The following SPIRE1 variants were observed in gnomAD, a reference collection of about 807,000 sequenced individuals.
SPIRE1 encodes the protein spire type actin nucleation factor 1.
A neutral mutation model predicts 94.1 loss-of-function variants in SPIRE1; 40 were observed. The ratio of observed to expected loss-of-function variants is 0.43; its 90% CI spans 0.33 to 0.55. SPIRE1 has a LOEUF of 0.55. Ranked by LOEUF, SPIRE1 falls within the 20% of genes least tolerant of loss-of-function variation. The pLI is 0.06. For synonymous variants in SPIRE1, 376 were observed against 371.7 expected (o/e 1.01, Z -0.13); for missense variants, 838 against 975.2 (o/e 0.86, Z 1.87).
At chr18:12,512,781 T>C (rs1050475699) in intron 4 of SPIRE1, among the ~76,000 whole-genome samples, 7 of 151,294 alleles carry the variant, frequency 4.6e-5, no homozygotes, top group Admixed American at 2.6e-4. Flanking sequence ...TTTTCTTTTT[T>C]TTTTTTTTTT....
At chr18:12,589,096 A>C (rs1433091561) in intron 2 of SPIRE1, among the ~76,000 whole-genome samples, 1 of 152,224 alleles carries the variant, frequency 6.6e-6, no homozygotes, top group Non-Finnish European at 1.5e-5. Flanking sequence ...TTCTATGTGC[A>C]AGGTCCTATG....
At chr18:12,551,343 T>C (rs1431753430) in intron 2 of SPIRE1, among the ~76,000 whole-genome samples, 1 of 152,200 alleles carries the variant, frequency 6.6e-6, no homozygotes, top group African/African-American at 2.4e-5. Flanking sequence ...AGTTCCTTTT[T>C]GTATATATAA....
intron 8 of SPIRE1, among the ~76,000 whole-genome samples, chr18:12,490,794 T>G (rs988225882): frequency 6.6e-6 from 1 of 152,008 alleles, no homozygotes; most frequent in Non-Finnish European, 1.5e-5. Context: ...CTCAACATAA[T>G]AAAGGCCACA....
rs115990698 is a variant in SPIRE1, at chr18:12,577,582, T to C, written c.373-30678A>G. ...TTTTTAAATGTTATCTACATAGTCA[T>C]TGTCATTTAGGTAGACAAATATTTC... On this transcript the variant is annotated intron_variant, in intron 2 of 16. Coordinates refer to ENST00000409402, the MANE Select transcript of SPIRE1 (RefSeq NM_001128626.2). 4.0e-3 allele frequency among the ~76,000 whole-genome samples: 603 copies of C among 152,328 alleles called. 2 individuals are homozygous for C. The highest frequency in any genetic ancestry group is 0.014 in the African/African-American group (581 of 41,574).
At chr18:12,655,479 A>C (rs1027675337) in intron 1 of SPIRE1, among the ~76,000 whole-genome samples, 1 of 152,212 alleles carries the variant, frequency 6.6e-6, no homozygotes, top group African/African-American at 2.4e-5. Context: ...GAAAATGCTC[A>C]AGTCTCTATC....
intron 2 of SPIRE1, among the ~76,000 whole-genome samples, chr18:12,605,593 C>T (rs1000184820): frequency 2.0e-5 from 3 of 152,040 alleles, no homozygotes; most frequent in African/African-American, 4.8e-5. Context: ...ATTACTTATC[C>T]AAGCAGGCCA....
chr18:12,651,368 C>CA (rs146886877), intron 1 of SPIRE1, among the ~76,000 whole-genome samples: 15,522 of 151,538 alleles, frequency 0.1, 903 homozygotes, highest in Middle Eastern at 0.17. Context: ...AAGAGCAGAC[C>CA]AAAAAAAATG....
At chr18:12,602,600 A>G (rs1187189809) in intron 2 of SPIRE1, among the ~76,000 whole-genome samples, 1 of 152,200 alleles carries the variant, frequency 6.6e-6, no homozygotes, top group African/African-American at 2.4e-5. Flanking sequence ...CAGAACAGAA[A>G]AATGCTGCAG....
At chr18:12,499,586 C>T (rs2033585209) in intron 6 of SPIRE1, among the ~76,000 whole-genome samples, 2 of 149,840 alleles carry the variant, frequency 1.3e-5, no homozygotes, top group Middle Eastern at 3.2e-3. Context: ...TATAAATTAA[C>T]TAAAAAAACT....
At chr18:12,577,956 A>T (rs1427482113) in intron 2 of SPIRE1, among the ~76,000 whole-genome samples, 1 of 152,226 alleles carries the variant, frequency 6.6e-6, no homozygotes, top group African/African-American at 2.4e-5. Flanking sequence ...CATGTGAATA[A>T]ATGCTATACT....
chr18:12,630,229 T>G (rs1301956109), intron 2 of SPIRE1, among the ~76,000 whole-genome samples: 1 of 152,224 alleles, frequency 6.6e-6, no homozygotes, highest in Non-Finnish European at 1.5e-5. Flanking sequence ...TAAAGAGATT[T>G]TGTTCTCCCT....
chr18:12,557,315 G>A (rs1375169026), intron 2 of SPIRE1, among the ~76,000 whole-genome samples: 1 of 152,194 alleles, frequency 6.6e-6, no homozygotes, highest in Non-Finnish European at 1.5e-5. Flanking sequence ...GGCAGCTGAG[G>A]CCCAGTGAGA....
chr18:12,490,111 T>G (rs2033180610), intron 8 of SPIRE1, among the ~76,000 whole-genome samples: 1 of 152,180 alleles, frequency 6.6e-6, no homozygotes, highest in Admixed American at 6.5e-5. Context: ...CCATTTGAAC[T>G]CGGAATTCTA....
intron 1 of SPIRE1, among the ~76,000 whole-genome samples, chr18:12,647,046 A>AT (rs1394970938): frequency 6.9e-5 from 10 of 145,230 alleles, no homozygotes; most frequent in Non-Finnish European, 6.1e-5. Context: ...CTCTGACTCA[A>AT]AAAAAAAAAA....
rs565142739 is a variant in SPIRE1, at chr18:12,448,627, C to A, written c.*1011G>T. ...ACTTTAAAAGAAGTAGATATTTTTTCTTTTAAAATTCATTTATAAAAATAA... is the reference window on the plus strand; with the variant it reads ...ACTTTAAAAGAAGTAGATATTTTTTATTTTAAAATTCATTTATAAAAATAA... On this transcript the variant is annotated 3_prime_UTR_variant, in exon 17 of 17. Coordinates refer to ENST00000409402, the MANE Select transcript of SPIRE1 (RefSeq NM_001128626.2). The surrounding 1 kb of genome is among the most constrained non-coding windows in gnomAD (Gnocchi z 4.4). 2.0e-4 allele frequency: 30 copies of A among 152,186 alleles called. No homozygotes were observed. The highest frequency in any genetic ancestry group is 6.7e-4 in the African/African-American group (28 of 41,534). The allele number at this position is 152,186 out of a possible 1,614,324, so 9.4% of individuals were successfully genotyped here. A position where few individuals can be genotyped will look rare whatever the true frequency, so the allele number is the denominator to read the frequency against.
chr18:12,583,781 T>C (rs2036319732), intron 2 of SPIRE1, among the ~76,000 whole-genome samples: 1 of 151,836 alleles, frequency 6.6e-6, no homozygotes, highest in African/African-American at 2.4e-5. Context: ...AAAAAAGTGC[T>C]GGGCGTGGTG....
chr18:12,627,590 A>G (rs546001458), intron 2 of SPIRE1, among the ~76,000 whole-genome samples: 17 of 152,296 alleles, frequency 1.1e-4, no homozygotes, highest in African/African-American at 4.1e-4. Flanking sequence ...TGGGATCACT[A>G]GGTCAAATGG....
intron 9 of SPIRE1, among the ~76,000 whole-genome samples, chr18:12,483,347 A>G (rs1362797808): frequency 6.6e-6 from 1 of 152,222 alleles, no homozygotes; most frequent in African/African-American, 2.4e-5. Context: ...AAATGAGAAA[A>G]GCAAAACACT....
intron 11 of SPIRE1, among the ~76,000 whole-genome samples, chr18:12,463,840 T>C (rs2031978817): frequency 6.6e-6 from 1 of 152,206 alleles, no homozygotes; most frequent in South Asian, 2.1e-4. Flanking sequence ...CCAAGACATT[T>C]TGTCCTTAGG....
Sources: gnomAD v4.1 joint callset for allele counts (sites outside exome capture counted in the v4.1 genomes callset) on GRCh38, gnomAD v4.1.1 for gene constraint, Gnocchi (gnomAD v3.1) non-coding constraint, MANE v1.5 for transcripts, NCBI Gene and HGNC (gene_info 2026-07-23, HGNC 2026-07-21) for gene names.